MDGA2: variants seen among roughly 807,000 people sequenced by gnomAD.
MDGA2 encodes the protein MAM domain containing glycosylphosphatidylinositol anchor 2, also known as MAM domain-containing glycosylphosphatidylinositol anchor protein 2.
MDGA2 carries 40 observed loss-of-function variants against 117.8 expected under a neutral mutation model. The ratio of observed to expected loss-of-function variants is 0.34; its 90% confidence interval spans 0.26 to 0.44. The LOEUF (loss-of-function observed/expected upper bound fraction) is 0.44, where lower values mean the gene tolerates loss of function less well. Ranked by LOEUF, MDGA2 falls within the 20% of genes least tolerant of loss-of-function variation. The pLI, the probability that MDGA2 is intolerant of heterozygous loss-of-function variation, is 1.00. For missense variants in MDGA2, 1,123 were observed against 1,250.6 expected, an observed-to-expected ratio of 0.90 and a Z score of 1.54; for synonymous variants, 452 against 439.0, an observed-to-expected ratio of 1.03 and a Z score of -0.37.
At chr14:47,013,017 G>A (rs1455179106) in intron 8 of MDGA2, among the ~76,000 whole-genome samples, 2 of 152,158 alleles carry the variant, frequency 1.3e-5, no homozygotes, top group African/African-American at 2.4e-5. Flanking sequence ...TTGCCTTGAT[G>A]TTGATGGTTG....
At chr14:47,036,794 G>A (rs1166317417) in intron 7 of MDGA2, among the ~76,000 whole-genome samples, 1 of 152,128 alleles carries the variant, frequency 6.6e-6, no homozygotes, top group African/African-American at 2.4e-5. Flanking sequence ...TCATTATAGA[G>A]ACAAATAAAT....
At chr14:47,355,505 C>T (rs555921880) in intron 1 of MDGA2, among the ~76,000 whole-genome samples, 1 of 152,156 alleles carries the variant, frequency 6.6e-6, no homozygotes, top group South Asian at 2.1e-4. Context: ...ATGTGATACC[C>T]TATGTCCAGT....
intron 3 of MDGA2, among the ~76,000 whole-genome samples, chr14:47,195,319 G>A (rs952588353): frequency 7.4e-4 from 112 of 151,814 alleles, no homozygotes; most frequent in African/African-American, 2.5e-3. Context: ...TAATCTACTC[G>A]AAAATAGAGA....
At chr14:47,668,195 T>C (rs1256248975) in intron 1 of MDGA2, among the ~76,000 whole-genome samples, 4 of 152,160 alleles carry the variant, frequency 2.6e-5, no homozygotes, top group South Asian at 2.1e-4. Flanking sequence ...AGAAATGGCA[T>C]AGTGTCTTGG....
intron 1 of MDGA2, among the ~76,000 whole-genome samples, chr14:47,625,220 C>T (rs1211410870): frequency 6.6e-6 from 1 of 151,908 alleles, no homozygotes; most frequent in Non-Finnish European, 1.5e-5. Flanking sequence ...ACTGTAAGGG[C>T]CTCTATTAAA....
chr14:47,604,487 A>ACAC (rs144175419), intron 1 of MDGA2, among the ~76,000 whole-genome samples: 1,812 of 92,060 alleles, frequency 0.02, 45 homozygotes, highest in African/African-American at 0.068. Flanking sequence ...CAGCTTCCCC[A>ACAC]CCCCCCCCCA....
chr14:47,190,353 T>C (rs1416639616), intron 3 of MDGA2, among the ~76,000 whole-genome samples: 2 of 152,202 alleles, frequency 1.3e-5, no homozygotes. Context: ...CGAAGGGCCT[T>C]TCTGTCCTTT....
intron 2 of MDGA2, among the ~76,000 whole-genome samples, chr14:47,294,062 G>A (rs1434227119): frequency 6.6e-6 from 1 of 151,508 alleles, no homozygotes; most frequent in Non-Finnish European, 1.5e-5. Context: ...AGTACATGAG[G>A]TAGAGGCAGG....
At chr14:47,531,060 ACG>A in intron 1 of MDGA2, among the ~76,000 whole-genome samples, 1 of 152,116 alleles carries the variant, frequency 6.6e-6, no homozygotes, top group Non-Finnish European at 1.5e-5. Context: ...CCTGGCTAAC[ACG>A]ATGAAACCCC....
rs1331184119 is a variant in MDGA2, at chr14:47,180,036, ACTTTTATTTT to A, written c.596-35772_596-35763del. On this transcript the variant is annotated intron_variant, in intron 3 of 16. Transcript: ENST00000399232. ...TTCTATTCTTTAACTTTTATTTTAAACTTTTATTTTGAGTTCAGGAGTAAAGATGCAGGTT... is the reference window on the plus strand; with the variant it reads ...TTCTATTCTTTAACTTTTATTTTAAAGAGTTCAGGAGTAAAGATGCAGGTT... Among the ~76,000 whole-genome samples the A allele has an allele frequency of 3.0e-5, 4 of 134,028 alleles. No homozygotes were observed. In the East Asian group the frequency reaches 1.0e-3, roughly 34 times the overall value. The allele number at this position is 134,028 out of a possible 152,430, so 87.9% of individuals were successfully genotyped here.
intron 1 of MDGA2, among the ~76,000 whole-genome samples, chr14:47,405,184 A>G (rs1594840890): frequency 6.6e-6 from 1 of 152,176 alleles, no homozygotes; most frequent in East Asian, 1.9e-4. Flanking sequence ...CAAAAGTACA[A>G]AGTAATTAAT....
intron 2 of MDGA2, among the ~76,000 whole-genome samples, chr14:47,294,565 C>A (rs1027746567): frequency 6.6e-6 from 1 of 151,602 alleles, no homozygotes; most frequent in African/African-American, 2.4e-5. Flanking sequence ...CGAAAAAAAG[C>A]AAATTATATT....
chr14:46,981,533 T>G (rs983934042), intron 8 of MDGA2, among the ~76,000 whole-genome samples: 3 of 152,316 alleles, frequency 2.0e-5, no homozygotes, highest in Non-Finnish European at 2.9e-5. Flanking sequence ...GGCTTATGGC[T>G]AAGTTAAAGA....
chr14:47,407,227 T>C (rs1892277265), intron 1 of MDGA2, among the ~76,000 whole-genome samples: 1 of 152,160 alleles, frequency 6.6e-6, no homozygotes, highest in Admixed American at 6.5e-5. Flanking sequence ...TTTGTTTTGT[T>C]TCACTTTCCA....
Position 47,426,109 on chromosome 14 carries a change from G to T in MDGA2, c.281-124559C>A, listed in dbSNP as rs112638354. Among the ~76,000 whole-genome samples, 1,127 of 152,082 alleles carry T rather than the reference G, an allele frequency of 7.4e-3. 16 individuals carry two copies. The highest frequency in any genetic ancestry group is 0.025 in the African/African-American group (1,048 of 41,498). On this transcript the variant is annotated intron_variant, in intron 1 of 16. Coordinates refer to ENST00000399232, the MANE Select transcript of MDGA2 (RefSeq NM_001113498.3). Reference sequence around the variant, plus strand: ...TTTGTAGAGTATATAAAATAACATAGAGTTTTGGCAGATGAGAACATGGAC... The same window carrying T: ...TTTGTAGAGTATATAAAATAACATATAGTTTTGGCAGATGAGAACATGGAC...
chr14:47,592,062 T>G (rs760330520), intron 1 of MDGA2, among the ~76,000 whole-genome samples: 1 of 152,132 alleles, frequency 6.6e-6, no homozygotes, highest in Non-Finnish European at 1.5e-5. Context: ...AAAAAATCGA[T>G]GTGCAAAAAT....
At chr14:46,924,652 A>C (rs1347721811) in intron 9 of MDGA2, among the ~76,000 whole-genome samples, 3 of 152,028 alleles carry the variant, frequency 2.0e-5, no homozygotes, top group Non-Finnish European at 2.9e-5. Context: ...AAATAAAATG[A>C]GCCCATTTTA....
intron 8 of MDGA2, among the ~76,000 whole-genome samples, chr14:47,000,816 C>CTCT (rs1462224954): frequency 6.6e-6 from 1 of 151,868 alleles, no homozygotes; most frequent in East Asian, 1.9e-4. Flanking sequence ...AATGTTCCTT[C>CTCT]AAGTATCAAC....
At chr14:47,216,859 T>C (rs1201368680) in intron 3 of MDGA2, among the ~76,000 whole-genome samples, 1 of 151,982 alleles carries the variant, frequency 6.6e-6, no homozygotes, top group Non-Finnish European at 1.5e-5. Flanking sequence ...TGTGCACCCA[T>C]AATAATAAGG....
Sources: gnomAD v4.1 joint callset for allele counts (sites outside exome capture counted in the v4.1 genomes callset) on GRCh38, gnomAD v4.1.1 for gene constraint, MANE v1.5 for transcripts, NCBI Gene and HGNC (gene_info 2026-07-23, HGNC 2026-07-21) for gene names.